The following NLGN1 variants were observed in gnomAD, a reference collection of about 807,000 sequenced individuals.
NLGN1 encodes neuroligin-1.
NLGN1 carries 12 observed loss-of-function variants against 65.5 expected under a neutral mutation model. The observed-to-expected ratio is 0.18, with a 90% CI of 0.12 to 0.30. The LOEUF is 0.30. NLGN1 is among the 10% of genes least tolerant of loss of function. The probability of loss-of-function intolerance (pLI) is 1.00; values close to 1 mark genes in which losing one functional copy is unlikely to be tolerated. For synonymous variants in NLGN1, 350 were observed against 359.5 expected, an observed-to-expected ratio of 0.97 and a Z score of 0.30; for missense variants, 750 against 1,007.1, an observed-to-expected ratio of 0.74 and a Z score of 3.46.
intron 3 of NLGN1, among the ~76,000 whole-genome samples, chr3:173,702,743 G>A (rs917794189): frequency 1.3e-5 from 2 of 152,126 alleles, no homozygotes; most frequent in Non-Finnish European, 2.9e-5. Context: ...ACTTCACTGC[G>A]ATGCCATCAG....
intron 2 of NLGN1, among the ~76,000 whole-genome samples, chr3:173,482,444 C>A (rs567953791): frequency 2.2e-4 from 34 of 151,946 alleles, no homozygotes; most frequent in African/African-American, 7.7e-4. Context: ...CACTCCCAGC[C>A]CCATCTCCAC....
intron 4 of NLGN1, among the ~76,000 whole-genome samples, chr3:174,247,258 G>A (rs986181051): frequency 3.3e-5 from 5 of 152,192 alleles, no homozygotes; most frequent in African/African-American, 1.2e-4. Flanking sequence ...TCAATGTACA[G>A]TCGTTGAATG....
Position 173,728,071 on chromosome 3 carries a change from A to G in NLGN1, c.494-79609A>G, listed in dbSNP as rs540819706. The stretch of plus-strand genomic sequence containing the variant: ...AAATATAGGGAATTAATCTCTCAGC[A>G]GTTTGCCCTATGGTGGGAAAGTCTA... On this transcript the variant is annotated intron_variant, in intron 3 of 6. Coordinates refer to ENST00000457714, the Ensembl canonical transcript of NLGN1. 2.6e-5 allele frequency among the ~76,000 whole-genome samples: 4 copies of G among 152,252 alleles called. No homozygotes were observed. The East Asian group carries it at 5.8e-4, about 22-fold the overall frequency.
At chr3:174,174,350 G>C (rs1409612802) in intron 4 of NLGN1, among the ~76,000 whole-genome samples, 3 of 152,058 alleles carry the variant, frequency 2.0e-5, no homozygotes, top group Admixed American at 2.0e-4. Flanking sequence ...TAGTGGGATT[G>C]CTGGATCAAA....
At chr3:173,782,897 A>G (rs949498717) in intron 3 of NLGN1, among the ~76,000 whole-genome samples, 1 of 152,074 alleles carries the variant, frequency 6.6e-6, no homozygotes, top group African/African-American at 2.4e-5. Context: ...AAAAATATAT[A>G]TACTAATACA....
At chr3:173,620,489 A>G (rs1402982783) in intron 3 of NLGN1, among the ~76,000 whole-genome samples, 6 of 152,120 alleles carry the variant, frequency 3.9e-5, no homozygotes, top group African/African-American at 1.2e-4. Context: ...TAGGGAAGAC[A>G]GTGAGTTAGA....
intron 2 of NLGN1, among the ~76,000 whole-genome samples, chr3:173,543,313 T>G (rs1739205252): frequency 6.6e-6 from 1 of 152,154 alleles, no homozygotes; most frequent in South Asian, 2.1e-4. Context: ...CAAAAATGGA[T>G]GTATTGCTAA....
At chr3:173,457,952 A>G (rs961864771) in intron 2 of NLGN1, among the ~76,000 whole-genome samples, 2 of 152,082 alleles carry the variant, frequency 1.3e-5, no homozygotes, top group African/African-American at 4.8e-5. Flanking sequence ...TAATTGTTGC[A>G]GAACCAGGAG....
At chr3:173,473,781 A>G (rs1365328238) in intron 2 of NLGN1, among the ~76,000 whole-genome samples, 1 of 152,196 alleles carries the variant, frequency 6.6e-6, no homozygotes, top group East Asian at 1.9e-4. Context: ...TCTCAAGTCA[A>G]CTTCTCTGCA....
At chr3:173,539,641 T>C (rs1350183180) in intron 2 of NLGN1, among the ~76,000 whole-genome samples, 3 of 58,270 alleles carry the variant, frequency 5.1e-5, no homozygotes, top group African/African-American at 9.6e-5. Context: ...TACACATATA[T>C]ACATATATAA....
chr3:174,256,703 T>C (rs1745836984), intron 4 of NLGN1, among the ~76,000 whole-genome samples: 1 of 152,184 alleles, frequency 6.6e-6, no homozygotes. Flanking sequence ...TAAGCTTCAG[T>C]TTCTGTTTCC....
At chr3:174,270,240 G>A (rs768760287) in intron 4 of NLGN1, among the ~76,000 whole-genome samples, 5 of 144,472 alleles carry the variant, frequency 3.5e-5, no homozygotes, top group Non-Finnish European at 6.0e-5. Flanking sequence ...TTGCCACATC[G>A]AATTTCCTGA....
At chr3:174,150,942 T>G (rs1445867334) in intron 4 of NLGN1, among the ~76,000 whole-genome samples, 1 of 152,102 alleles carries the variant, frequency 6.6e-6, no homozygotes, top group Non-Finnish European at 1.5e-5. Context: ...AGCCATACTC[T>G]ATCTAGCAGG....
At chr3:173,971,384 A>G (rs951805092) in intron 4 of NLGN1, among the ~76,000 whole-genome samples, 9 of 152,042 alleles carry the variant, frequency 5.9e-5, no homozygotes, top group Non-Finnish European at 1.3e-4. Context: ...GATTGAGACA[A>G]AAAGAAATGG....
intron 2 of NLGN1, among the ~76,000 whole-genome samples, chr3:173,561,299 C>G (rs900820568): frequency 6.6e-6 from 1 of 152,218 alleles, no homozygotes; most frequent in Non-Finnish European, 1.5e-5. Flanking sequence ...TCCAAAGCCT[C>G]TTGTCTCTGG....
intron 2 of NLGN1, among the ~76,000 whole-genome samples, chr3:173,592,808 A>G (rs190889600): frequency 6.6e-6 from 1 of 152,336 alleles, no homozygotes; most frequent in Admixed American, 6.5e-5. Context: ...TAATCTGATC[A>G]TGCCATTTGT....
At chr3:174,103,511 G>A (rs1371471581) in intron 4 of NLGN1, among the ~76,000 whole-genome samples, 1 of 152,002 alleles carries the variant, frequency 6.6e-6, no homozygotes, top group Non-Finnish European at 1.5e-5. Context: ...TAAACATAAT[G>A]ATGGGAGAAT....
intron 3 of NLGN1, among the ~76,000 whole-genome samples, chr3:173,660,301 G>A (rs549815119): frequency 1.3e-5 from 2 of 151,844 alleles, no homozygotes; most frequent in African/African-American, 4.8e-5. Flanking sequence ...GCTATTGGTA[G>A]GGGGAAGCTG....
Position 173,768,233 on chromosome 3 carries a change from T to C in NLGN1, c.494-39447T>C, listed in dbSNP as rs145841368. ...TTAATGTTGAAAGAAAAGTAATTCA[T>C]TGAATTTTAGAGAATACCTAATTCC... On this transcript the variant is annotated intron_variant, in intron 3 of 6. Coordinates refer to ENST00000457714, the Ensembl canonical transcript of NLGN1. Among the ~76,000 whole-genome samples the C allele has an allele frequency of 3.2e-4, 49 of 152,318 alleles. No homozygotes were observed. In the East Asian group the frequency reaches 9.3e-3, roughly 29 times the overall value.
Sources: allele counts gnomAD v4.1 joint callset (sites outside exome capture counted in the v4.1 genomes callset), GRCh38; gene constraint gnomAD v4.1.1; transcripts MANE v1.5; gene names NCBI Gene and HGNC (gene_info 2026-07-23, HGNC 2026-07-21).